The following E2F6 variants were observed in gnomAD, a reference collection of about 807,000 sequenced individuals.
The protein encoded by E2F6 is transcription factor E2F6.
Under a neutral mutation model 31.5 loss-of-function variants are expected in E2F6, and 19 were observed. The ratio of observed to expected loss-of-function variants is 0.60; its 90% CI spans 0.42 to 0.89. The LOEUF (loss-of-function observed/expected upper bound fraction) is 0.89. Among genes scored for constraint, E2F6 ranks in the 40% least tolerant of loss-of-function variants. The probability of loss-of-function intolerance (pLI) is 0.00; values close to 1 mark genes in which losing one functional copy is unlikely to be tolerated. For synonymous variants in E2F6, 121 were observed against 127.7 expected, an observed-to-expected ratio of 0.95 and a Z score of 0.36; for missense variants, 269 against 341.6, an observed-to-expected ratio of 0.79 and a Z score of 1.67.
rs770791215 is a variant in E2F6, at chr2:11,449,981, TAAATCTTTTTAA to T, written c.651+19_651+30del. 18 of 1,557,642 alleles carry T rather than the reference TAAATCTTTTTAA, an allele frequency of 1.2e-5. No homozygotes were observed. In the South Asian group the frequency reaches 2.0e-4, roughly 17 times the overall value. ...TAAGCAGTCGGCCCTCATCCCTCTT[TAAATCTTTTTAA>T]AAATGCAGGGTTACCTACTTCTCTG... On this transcript the variant is annotated intron_variant, in intron 5 of 6. Transcript: ENST00000381525.
chr2:11,458,661 G>A (rs1671566070), intron 1 of E2F6, among the ~76,000 whole-genome samples: 1 of 152,204 alleles, frequency 6.6e-6, no homozygotes, highest in South Asian at 2.1e-4. Flanking sequence ...GAAGCCTGAA[G>A]GCAAGGTGAG....
rs994798519 is a variant in E2F6, at chr2:11,445,456, G to A, written c.*1021C>T. On this transcript the variant is annotated 3_prime_UTR_variant, in exon 7 of 7. Coordinates refer to ENST00000381525, the MANE Select transcript of E2F6 (RefSeq NM_198256.4). Reference sequence around the variant, plus strand: ...GAGTGGTAAATGACTTACCCAATGAGGTAGAAACAGCTAGGTATGTGAAAA... The same window carrying A: ...GAGTGGTAAATGACTTACCCAATGAAGTAGAAACAGCTAGGTATGTGAAAA... The A allele has an allele frequency of 1.3e-5, 2 of 152,644 alleles. No homozygotes were observed. Among genetic ancestry groups the A allele is most frequent in the African/African-American group, 4.8e-5 (2 of 41,448 alleles). The allele number at this position is 152,644 out of a possible 1,614,324, so 9.5% of individuals were successfully genotyped here.
intron 1 of E2F6, among the ~76,000 whole-genome samples, chr2:11,463,333 G>A (rs139272186): frequency 0.01 from 1,555 of 152,250 alleles, 4 homozygotes; most frequent in Middle Eastern, 0.031. Context: ...TAATTCCCCC[G>A]AAGGAGTAGG....
At chr2:11,458,163 T>C (rs1240068292) in intron 1 of E2F6, 2 of 1,017,166 alleles carry the variant, frequency 2.0e-6, no homozygotes, top group Non-Finnish European at 3.0e-6. Flanking sequence ...GTCATCAGGT[T>C]TAGCTCTTAT....
chr2:11,450,656 T>C (rs763777228), intron 4 of E2F6, among the ~76,000 whole-genome samples: 2 of 152,232 alleles, frequency 1.3e-5, no homozygotes, highest in Non-Finnish European at 2.9e-5. Flanking sequence ...AAAATTATTT[T>C]CCATCTCACT....
At position 11,457,213 on chromosome 2, in the gene E2F6, A is replaced by C. The variant is rs1417256574; in HGVS notation, c.129T>G (p.Asn43Lys). 6.4e-7 allele frequency: 1 copy of C among 1,558,886 alleles called. No individual in the cohort carries two copies. Among genetic ancestry groups the C allele is most frequent in the South Asian group, 1.1e-5 (1 of 89,168 alleles). The change falls in exon 2 of 7, where the codon AAT (asparagine) becomes AAG (lysine). Residue 43 changes from asparagine (N) to lysine (K), a missense_variant. Transcript: ENST00000381525. ...ACACATATTGTACATTATCTTCTAA[A>C]TTAATCCTTATTTTTGATGGCTGAA... ...EGLLPSKIRINLEDNVQYVSM... is the reference protein window; with the variant it reads ...EGLLPSKIRIKLEDNVQYVSM...
chr2:11,446,825 G>T (rs1056910949), intron 6 of E2F6, among the ~76,000 whole-genome samples: 1 of 152,190 alleles, frequency 6.6e-6, no homozygotes, highest in Non-Finnish European at 1.5e-5. Context: ...CGTAATCCTT[G>T]TGTCTTTGTG....
Position 11,457,238 on chromosome 2 carries a change from A to G in E2F6, c.109-5T>C. 6.6e-7 allele frequency: 1 copy of G among 1,504,180 alleles called. No individual in the cohort carries two copies. The highest frequency in any genetic ancestry group is 9.2e-7 in the Non-Finnish European group (1 of 1,084,908). The allele number at this position is 1,504,180 out of a possible 1,614,324, so 93.2% of individuals were successfully genotyped here. Reference sequence around the variant, plus strand: ...ATTAATCCTTATTTTTGATGGCTGAAAAAAAAGATAAAAAATTTAACTTAG... The same window carrying G: ...ATTAATCCTTATTTTTGATGGCTGAGAAAAAAGATAAAAAATTTAACTTAG... On this transcript the variant is annotated splice_region_variant and splice_polypyrimidine_tract_variant and intron_variant, in intron 1 of 6. Transcript: ENST00000381525.
intron 3 of E2F6, among the ~76,000 whole-genome samples, chr2:11,452,610 A>G (rs1166709923): frequency 6.7e-6 from 1 of 148,434 alleles, no homozygotes; most frequent in Admixed American, 6.7e-5. Context: ...TCTCAAAAGA[A>G]AAAAAAAAAA....
intron 2 of E2F6, chr2:11,455,197 T>G (rs975950453): frequency 1.6e-5 from 9 of 569,104 alleles, no homozygotes; most frequent in Non-Finnish European, 2.1e-5. Flanking sequence ...AATTTGATAC[T>G]AAGAAAAAGT....
chr2:11,453,940 T>C (rs1219847380), intron 2 of E2F6, 142 bp from the exon 3 acceptor site: 5 of 737,150 alleles, frequency 6.8e-6, no homozygotes, highest in South Asian at 3.9e-5. Context: ...CTGGTTTCTA[T>C]GAAATAAATC....
At chr2:11,450,534 G>C (rs1194474615) in intron 4 of E2F6, among the ~76,000 whole-genome samples, 1 of 151,950 alleles carries the variant, frequency 6.6e-6, no homozygotes, top group Non-Finnish European at 1.5e-5. Flanking sequence ...AAAACACTCA[G>C]GGCTTTGACA....
chr2:11,462,200 T>C (rs1325216739), intron 1 of E2F6, among the ~76,000 whole-genome samples: 2 of 152,192 alleles, frequency 1.3e-5, no homozygotes, highest in South Asian at 2.1e-4. Flanking sequence ...CCCTGACCAA[T>C]AGAGTAATAA....
rs145031705 is a variant in E2F6, at chr2:11,458,793, T to C, written c.109-1560A>G. On this transcript the variant is annotated intron_variant, in intron 1 of 6. Coordinates refer to ENST00000381525, the MANE Select transcript of E2F6 (RefSeq NM_198256.4). Reference sequence around the variant, plus strand: ...ATCACCCCAATATGGAATACTCCCATTGAGACAGAATCCCACTGTAAAATT... The same window carrying C: ...ATCACCCCAATATGGAATACTCCCACTGAGACAGAATCCCACTGTAAAATT... 2.8e-3 allele frequency among the ~76,000 whole-genome samples: 425 copies of C among 152,268 alleles called. 2 individuals are homozygous for C. Among genetic ancestry groups the C allele is most frequent in the African/African-American group, 9.9e-3 (412 of 41,550 alleles).
At chr2:11,456,728 CA>C (rs1444852047) in intron 2 of E2F6, among the ~76,000 whole-genome samples, 2 of 152,082 alleles carry the variant, frequency 1.3e-5, no homozygotes, top group Non-Finnish European at 1.5e-5. Context: ...GGCACTGAGG[CA>C]AAACTAAGGG....
chr2:11,465,178 CA>C (rs59561027), intron 1 of E2F6, among the ~76,000 whole-genome samples: 21,385 of 88,236 alleles, frequency 0.24, 1,697 homozygotes, highest in Non-Finnish European at 0.28. Context: ...AACTCAATCT[CA>C]AAAAAAAAAA....
Position 11,451,737 on chromosome 2 carries a change from T to G in E2F6, c.450A>C (p.Leu150Phe). 1 of 1,609,870 alleles carries G rather than the reference T, an allele frequency of 6.2e-7. No homozygotes were observed. Among genetic ancestry groups the G allele is most frequent in the Non-Finnish European group, 8.5e-7 (1 of 1,177,404 alleles). The change falls in exon 4 of 7, where the codon TTA becomes TTC. Residue 150 changes from leucine to phenylalanine, a missense_variant. Leu to Phe is a conservative substitution (Grantham distance 22). Coordinates refer to ENST00000381525, the MANE Select transcript of E2F6 (RefSeq NM_198256.4). ...CATCCAAAGCATCTTCCATTGCTGA[T>G]AAGTCAGAAAGTTCCTCCTGTAGCT... ...QKKLQEELSD[L>F]SAMEDALDEL... is the part of the protein sequence containing the mutation.
chr2:11,464,517 CAAAAAAAAAAA>C (rs559562627), intron 1 of E2F6, among the ~76,000 whole-genome samples: 2,891 of 44,802 alleles, frequency 0.065, 68 homozygotes, highest in Non-Finnish European at 0.09. Flanking sequence ...ACTTCGTCAC[CAAAAAAAAAAA>C]AAAAAAAAAA....
intron 5 of E2F6, 70 bp downstream of exon 5, chr2:11,449,942 A>T (rs1232867815): frequency 8.1e-7 from 1 of 1,228,920 alleles, no homozygotes; most frequent in Non-Finnish European, 1.2e-6. Flanking sequence ...GTATGACTGC[A>T]ATAAATCACA....
Sources: gnomAD v4.1 joint callset for allele counts (sites outside exome capture counted in the v4.1 genomes callset) on GRCh38, gnomAD v4.1.1 for gene constraint, MANE v1.5 for transcripts, NCBI Gene and HGNC (gene_info 2026-07-23, HGNC 2026-07-21) for gene names.